PITPNC1: variants seen among roughly 807,000 people sequenced by gnomAD.
PITPNC1 encodes the protein cytoplasmic phosphatidylinositol transfer protein 1.
In PITPNC1, 18 loss-of-function variants were observed where a neutral mutation model predicts 44.7. The ratio of observed to expected loss-of-function variants is 0.40; its 90% CI spans 0.28 to 0.60. The LOEUF (loss-of-function observed/expected upper bound fraction) is 0.60, where lower values mean the gene tolerates loss of function less well. Among genes scored for constraint, PITPNC1 ranks in the 20% least tolerant of loss-of-function variants. The pLI is 0.39. For missense variants in PITPNC1, 290 were observed against 418.4 expected (o/e 0.69, Z 2.68); for synonymous variants, 141 against 149.6 (o/e 0.94, Z 0.42).
At chr17:67,599,147 T>C (rs770124000) in intron 5 of PITPNC1, among the ~76,000 whole-genome samples, 1 of 149,740 alleles carries the variant, frequency 6.7e-6, no homozygotes, top group South Asian at 2.1e-4. Context: ...CAAGAGCCAC[T>C]GTGCCTGGCT....
At chr17:67,603,469 A>G (rs916956236) in intron 5 of PITPNC1, among the ~76,000 whole-genome samples, 4 of 152,176 alleles carry the variant, frequency 2.6e-5, no homozygotes, top group African/African-American at 7.2e-5. Flanking sequence ...ACAGATATTA[A>G]TATCCCCATT....
chr17:67,670,054 T>C (rs2042486551), intron 7 of PITPNC1, among the ~76,000 whole-genome samples: 1 of 151,378 alleles, frequency 6.6e-6, no homozygotes, highest in Non-Finnish European at 1.5e-5. Context: ...GCCTGGGCAA[T>C]AAGAGAGAAA....
At chr17:67,446,916 C>T (rs2039104091) in intron 1 of PITPNC1, among the ~76,000 whole-genome samples, 2 of 151,396 alleles carry the variant, frequency 1.3e-5, no homozygotes, top group Non-Finnish European at 2.9e-5. Context: ...ATGGTGAAAC[C>T]CCATCTCTAC....
chr17:67,436,332 G>C (rs536192127), intron 1 of PITPNC1, among the ~76,000 whole-genome samples: 15 of 152,198 alleles, frequency 9.9e-5, no homozygotes, highest in Non-Finnish European at 1.8e-4. Context: ...AGAATGGACA[G>C]AAAATTTCTG....
At chr17:67,449,440 G>A (rs1409821072) in intron 1 of PITPNC1, among the ~76,000 whole-genome samples, 3 of 152,044 alleles carry the variant, frequency 2.0e-5, no homozygotes, top group Non-Finnish European at 4.4e-5. Context: ...CCTTGCTGAC[G>A]ACCCGAGATT....
chr17:67,430,099 A>T (rs2038833469), intron 1 of PITPNC1, among the ~76,000 whole-genome samples: 1 of 152,282 alleles, frequency 6.6e-6, no homozygotes, highest in African/African-American at 2.4e-5. Context: ...TCTCAGAGGT[A>T]TAGCAATAAG....
intron 1 of PITPNC1, among the ~76,000 whole-genome samples, chr17:67,402,946 C>A (rs1481742564): frequency 2.0e-5 from 3 of 152,188 alleles, no homozygotes; most frequent in Non-Finnish European, 4.4e-5. Context: ...GGATTACAGG[C>A]GTGAGCCACC....
intron 1 of PITPNC1, among the ~76,000 whole-genome samples, chr17:67,475,241 G>A (rs2039609648): frequency 6.6e-6 from 1 of 152,194 alleles, no homozygotes; most frequent in Non-Finnish European, 1.5e-5. Context: ...CGCGGTTTCT[G>A]TGTGGGCCGT....
rs143994203 is a variant in PITPNC1, at chr17:67,486,860, C to G, written c.49-45942C>G. ...TGTGGAGGCCAGACGTGGTGAAACC[C>G]CATCTCTACTAAAAATACAAAAATT... On this transcript the variant is annotated intron_variant, in intron 1 of 8. Coordinates refer to ENST00000581322, the MANE Select transcript of PITPNC1 (RefSeq NM_012417.4). 1.3e-3 allele frequency among the ~76,000 whole-genome samples: 202 copies of G among 152,036 alleles called. 1 individual carries two copies. The highest frequency in any genetic ancestry group is 4.6e-3 in the African/African-American group (189 of 41,494).
At chr17:67,532,718 A>T in intron 1 of PITPNC1, 84 bp from the exon 2 acceptor site, 1 of 1,083,516 alleles carries the variant, frequency 9.2e-7, no homozygotes, top group Non-Finnish European at 1.3e-6. Context: ...TGATGTTATT[A>T]GTGGCTTGCC....
chr17:67,598,578 A>G (rs2041490363), intron 5 of PITPNC1, among the ~76,000 whole-genome samples: 1 of 152,140 alleles, frequency 6.6e-6, no homozygotes, highest in South Asian at 2.1e-4. Context: ...CCCTTCTACC[A>G]TGTGAGGACA....
At chr17:67,583,917 GTT>G (rs2041274442) in intron 5 of PITPNC1, among the ~76,000 whole-genome samples, 5 of 146,102 alleles carry the variant, frequency 3.4e-5, no homozygotes, top group African/African-American at 1.3e-4. Context: ...GTGTGTTTGT[GTT>G]TAGTAGAGAT....
chr17:67,509,225 T>C (rs113503825), intron 1 of PITPNC1, among the ~76,000 whole-genome samples: 18,557 of 143,836 alleles, frequency 0.13, 1,759 homozygotes, highest in African/African-American at 0.27. Flanking sequence ...CAGAGTGAGA[T>C]TCCGTCTCAA....
At chr17:67,564,811 T>C (rs2030407386) in intron 4 of PITPNC1, among the ~76,000 whole-genome samples, 1 of 152,202 alleles carries the variant, frequency 6.6e-6, no homozygotes, top group South Asian at 2.1e-4. Flanking sequence ...TTTTTCTGCT[T>C]ACTAAAATAG....
chr17:67,687,982 G>A lies in PITPNC1; in HGVS notation c.683-4590G>A, dbSNP rs904595916. ...CAGAGCTGTGATCTCTTTGGGTTCC[G>A]CCTTGAGTCCTCATGTCCATTAGCC... On this transcript the variant is annotated intron_variant, in intron 8 of 8. Transcript: ENST00000581322. Among the ~76,000 whole-genome samples the A allele has an allele frequency of 3.8e-4, 57 of 150,414 alleles. 1 individual carries two copies. The highest frequency in any genetic ancestry group is 3.5e-3 in the Admixed American group (53 of 14,990).
chr17:67,485,121 A>T (rs550141865), intron 1 of PITPNC1, among the ~76,000 whole-genome samples: 35 of 152,220 alleles, frequency 2.3e-4, no homozygotes, highest in African/African-American at 6.7e-4. Context: ...GAACCTGGGC[A>T]GTGTAGCCAC....
intron 1 of PITPNC1, among the ~76,000 whole-genome samples, chr17:67,415,647 A>G (rs760595489): frequency 6.6e-6 from 1 of 152,198 alleles, no homozygotes; most frequent in Non-Finnish European, 1.5e-5. Context: ...GGCTATTACA[A>G]TTACGTGGAC....
At chr17:67,524,467 A>G (rs1056966193) in intron 1 of PITPNC1, 1 of 151,132 alleles carries the variant, frequency 6.6e-6, no homozygotes, top group African/African-American at 2.4e-5. Flanking sequence ...AAAGAAAAGG[A>G]AAAAAAAAGG....
At chr17:67,479,204 T>C (rs1280112073) in intron 1 of PITPNC1, among the ~76,000 whole-genome samples, 1 of 152,186 alleles carries the variant, frequency 6.6e-6, no homozygotes, top group Admixed American at 6.6e-5. Flanking sequence ...TTTGAGGCCT[T>C]TCTTTACCAA....
Sources: gnomAD v4.1 joint callset for allele counts (sites outside exome capture counted in the v4.1 genomes callset) on GRCh38, gnomAD v4.1.1 for gene constraint, MANE v1.5 for transcripts, NCBI Gene and HGNC (gene_info 2026-07-23, HGNC 2026-07-21) for gene names.